The following PRICKLE2 variants were observed in gnomAD, a reference collection of about 807,000 sequenced individuals.
PRICKLE2 encodes the protein prickle-like protein 2.
PRICKLE2 carries 21 observed loss-of-function variants against 81.4 expected under a neutral mutation model. That is an observed-to-expected ratio of 0.26 (90% CI 0.18 to 0.37). PRICKLE2 has a LOEUF of 0.37. PRICKLE2 is among the 10% of genes least tolerant of loss of function. The probability of loss-of-function intolerance (pLI) is 1.00; values close to 1 mark genes in which losing one functional copy is unlikely to be tolerated. For synonymous variants in PRICKLE2, 456 were observed against 421.5 expected (o/e 1.08, Z -1.00); for missense variants, 940 against 1,109.0 (o/e 0.85, Z 2.16).
chr3:64,258,846 AAAGAAAGAAAGAAAGAAAG>A (rs2079570648), intron 2 of PRICKLE2, among the ~76,000 whole-genome samples: 1 of 68,064 alleles, frequency 1.5e-5, no homozygotes, highest in Non-Finnish European at 2.9e-5. Flanking sequence ...AAAAAAAAAA[AAAGAAAGAAAGAAAGAAAG>A]AAAGAAAGAA....
intron 2 of PRICKLE2, among the ~76,000 whole-genome samples, chr3:64,249,848 T>G (rs1437804075): frequency 1.3e-5 from 2 of 152,188 alleles, no homozygotes; most frequent in African/African-American, 4.8e-5. Context: ...TATAGCGCCT[T>G]GCACACAATA....
chr3:64,161,954 G>A (rs1338038604), intron 3 of PRICKLE2, among the ~76,000 whole-genome samples: 1 of 152,144 alleles, frequency 6.6e-6, no homozygotes, highest in Non-Finnish European at 1.5e-5. Flanking sequence ...TTTGCTTTAT[G>A]ATGTCTGAAA....
chr3:64,140,605 C>T lies in PRICKLE2; in HGVS notation c.1660+6225G>A, dbSNP rs567658112. Among the ~76,000 whole-genome samples the T allele has an allele frequency of 2.0e-5, 3 of 152,322 alleles. No homozygotes were observed. In the South Asian group the frequency reaches 6.2e-4, roughly 32 times the overall value. ...GCAGCCAGTTCCAATTCCAGCTCTA[C>T]TATATACCTGGTCCCAGTGTGTGGC... On this transcript the variant is annotated intron_variant, in intron 7 of 7. Transcript: ENST00000638394.
At chr3:64,244,120 A>G (rs1373535637) in intron 2 of PRICKLE2, among the ~76,000 whole-genome samples, 1 of 152,224 alleles carries the variant, frequency 6.6e-6, no homozygotes, top group Non-Finnish European at 1.5e-5. Flanking sequence ...ATGGAATCAA[A>G]GCAGTGGCTC....
chr3:64,177,870 C>T (rs746701572), intron 2 of PRICKLE2, among the ~76,000 whole-genome samples: 2 of 152,192 alleles, frequency 1.3e-5, no homozygotes, highest in African/African-American at 4.8e-5. Flanking sequence ...TGAATGTTGG[C>T]GTACAATTAT....
intron 7 of PRICKLE2, chr3:64,100,267 T>C (rs1379742253): frequency 1.3e-5 from 4 of 307,326 alleles, no homozygotes; most frequent in African/African-American, 6.4e-5. Flanking sequence ...GTACTTTAAT[T>C]ACATTTTTGA....
At chr3:64,208,646 T>C (rs1335727754) in intron 1 of PRICKLE2, among the ~76,000 whole-genome samples, 2 of 152,178 alleles carry the variant, frequency 1.3e-5, no homozygotes. Flanking sequence ...TGTTCTACTG[T>C]TAACACAACT....
chr3:64,132,468 T>G (rs926730183), intron 7 of PRICKLE2, among the ~76,000 whole-genome samples: 25 of 152,204 alleles, frequency 1.6e-4, no homozygotes, highest in African/African-American at 5.8e-4. Flanking sequence ...TCATTAGGTT[T>G]TCTTTAATTA....
intron 2 of PRICKLE2, among the ~76,000 whole-genome samples, chr3:64,186,196 A>G (rs1214300887): frequency 6.6e-6 from 1 of 152,220 alleles, no homozygotes; most frequent in Non-Finnish European, 1.5e-5. Flanking sequence ...CTTTTGAGTT[A>G]TTTCCAATTT....
chr3:64,118,796 A>C (rs545518886), intron 7 of PRICKLE2, among the ~76,000 whole-genome samples: 1 of 152,126 alleles, frequency 6.6e-6, no homozygotes, highest in Non-Finnish European at 1.5e-5. Flanking sequence ...GATTAGTTCA[A>C]CCACTGTGGA....
chr3:64,203,154 A>T (rs2078619005), intron 1 of PRICKLE2, among the ~76,000 whole-genome samples: 1 of 152,190 alleles, frequency 6.6e-6, no homozygotes, highest in South Asian at 2.1e-4. Flanking sequence ...TCTGCTTCTC[A>T]TCAAATCAGA....
intron 7 of PRICKLE2, among the ~76,000 whole-genome samples, chr3:64,127,355 C>G (rs1373545427): frequency 6.6e-6 from 1 of 152,200 alleles, no homozygotes; most frequent in Admixed American, 6.5e-5. Flanking sequence ...CGGTCACTCT[C>G]CCTCCTGCAG....
intron 7 of PRICKLE2, among the ~76,000 whole-genome samples, chr3:64,110,477 C>G (rs929824484): frequency 2.0e-5 from 3 of 152,132 alleles, no homozygotes; most frequent in African/African-American, 7.2e-5. Flanking sequence ...GCAGGGAGAA[C>G]AGATAACCAA....
chr3:64,114,189 T>C (rs927241701), intron 7 of PRICKLE2, among the ~76,000 whole-genome samples: 4 of 143,346 alleles, frequency 2.8e-5, no homozygotes, highest in African/African-American at 7.8e-5. Context: ...AGTCATCAAA[T>C]AGGATTAAGA....
chr3:64,254,191 G>A (rs1331455251), intron 2 of PRICKLE2, among the ~76,000 whole-genome samples: 2 of 152,158 alleles, frequency 1.3e-5, no homozygotes, highest in Non-Finnish European at 2.9e-5. Context: ...TTGCTGATGC[G>A]ATTAAGCCAG....
At chr3:64,132,711 G>C (rs1201486291) in intron 7 of PRICKLE2, among the ~76,000 whole-genome samples, 1 of 152,190 alleles carries the variant, frequency 6.6e-6, no homozygotes, top group African/African-American at 2.4e-5. Flanking sequence ...CTCTGGTATA[G>C]AGAATAGATA....
intron 7 of PRICKLE2, among the ~76,000 whole-genome samples, chr3:64,128,422 T>C (rs1298858429): frequency 6.6e-6 from 1 of 152,118 alleles, no homozygotes; most frequent in Non-Finnish European, 1.5e-5. Flanking sequence ...AGAAGAGAAC[T>C]GTAGAGCAAG....
Position 64,262,662 on chromosome 3 carries a change from G to A in PRICKLE2, c.129-63695C>T, listed in dbSNP as rs144127055. ...TAGAAGAGGAGAAAAGAGCAGCAAAGGAAATTGGGAGGTAGGAGGAAGATA... is the reference window on the plus strand; with the variant it reads ...TAGAAGAGGAGAAAAGAGCAGCAAAAGAAATTGGGAGGTAGGAGGAAGATA... On this transcript the variant is annotated intron_variant, in intron 2 of 8. Coordinates refer to the PRICKLE2 transcript ENST00000295902. 3.9e-3 allele frequency among the ~76,000 whole-genome samples: 595 copies of A among 152,156 alleles called. 1 individual carries two copies. Among genetic ancestry groups the A allele is most frequent in the Non-Finnish European group, 6.0e-3 (409 of 68,010 alleles).
chr3:64,211,398 A>C (rs2078783449), intron 1 of PRICKLE2, among the ~76,000 whole-genome samples: 1 of 152,246 alleles, frequency 6.6e-6, no homozygotes, highest in Admixed American at 6.5e-5. Context: ...CTAGACCATA[A>C]ATTTCAAAGT....
Sources: allele counts gnomAD v4.1 joint callset (sites outside exome capture counted in the v4.1 genomes callset), GRCh38; gene constraint gnomAD v4.1.1; transcripts MANE v1.5; gene names NCBI Gene and HGNC (gene_info 2026-07-23, HGNC 2026-07-21).